The following KCNH7 variants were observed in gnomAD, a reference collection of about 807,000 sequenced individuals.
The protein encoded by KCNH7 is potassium voltage-gated channel subfamily H member 7.
A neutral mutation model predicts 120.8 loss-of-function variants in KCNH7; 49 were observed. The ratio of observed to expected loss-of-function variants is 0.41; its 90% CI spans 0.32 to 0.51. The LOEUF (loss-of-function observed/expected upper bound fraction) is 0.51, where lower values mean the gene tolerates loss of function less well. Among genes scored for constraint, KCNH7 ranks in the 20% least tolerant of loss-of-function variants. The probability of loss-of-function intolerance (pLI) is 0.38; values close to 1 mark genes in which losing one functional copy is unlikely to be tolerated. For missense variants in KCNH7, 1,097 were observed against 1,446.6 expected, an observed-to-expected ratio of 0.76 and a Z score of 3.92; for synonymous variants, 547 against 516.1, an observed-to-expected ratio of 1.06 and a Z score of -0.81.
At chr2:162,496,959 T>C (rs67982913) in intron 6 of KCNH7, 20,445 of 152,136 alleles carry the variant, frequency 0.13, 1,459 homozygotes, top group Admixed American at 0.15. Flanking sequence ...CCACCCTGAG[T>C]ACATGTGATC....
chr2:162,717,436 G>A (rs1687164980), intron 2 of KCNH7, among the ~76,000 whole-genome samples: 1 of 152,060 alleles, frequency 6.6e-6, no homozygotes, highest in African/African-American at 2.4e-5. Flanking sequence ...TCCATGCTAA[G>A]GAAAGGTCCA....
chr2:162,549,467 G>A (rs1692594339), intron 2 of KCNH7, among the ~76,000 whole-genome samples: 1 of 152,212 alleles, frequency 6.6e-6, no homozygotes, highest in Non-Finnish European at 1.5e-5. Context: ...TCTTAGGTAA[G>A]CTAAGTCCAC....
chr2:162,558,118 A>G (rs1692923428), intron 2 of KCNH7, among the ~76,000 whole-genome samples: 1 of 152,186 alleles, frequency 6.6e-6, no homozygotes, highest in South Asian at 2.1e-4. Context: ...TGTGACATCC[A>G]TACAGTCAGA....
At chr2:162,793,482 C>T (rs562910865) in intron 2 of KCNH7, among the ~76,000 whole-genome samples, 96 of 151,928 alleles carry the variant, frequency 6.3e-4, no homozygotes, top group Non-Finnish European at 1.2e-3. Context: ...GAAATCAATT[C>T]ATTTTATAAT....
At chr2:162,589,753 A>T (rs1389693858) in intron 2 of KCNH7, among the ~76,000 whole-genome samples, 1 of 152,150 alleles carries the variant, frequency 6.6e-6, no homozygotes, top group African/African-American at 2.4e-5. Flanking sequence ...TGAATTTAAC[A>T]TAAGAAGACA....
chr2:162,400,137 G>GA, intron 10 of KCNH7, 52 bp downstream of exon 10: 1 of 1,576,870 alleles, frequency 6.3e-7, no homozygotes, highest in Non-Finnish European at 8.7e-7. Flanking sequence ...TTTAAACTAT[G>GA]CATTACAAGC....
At chr2:162,776,883 G>C (rs1574374876) in intron 2 of KCNH7, among the ~76,000 whole-genome samples, 1 of 152,168 alleles carries the variant, frequency 6.6e-6, no homozygotes, top group East Asian at 1.9e-4. Flanking sequence ...CTTGGGTAGA[G>C]ATTGGTCATG....
At chr2:162,409,363 A>C (rs1407451522) in intron 9 of KCNH7, among the ~76,000 whole-genome samples, 1 of 151,972 alleles carries the variant, frequency 6.6e-6, no homozygotes, top group East Asian at 1.9e-4. Context: ...AAATTATTAT[A>C]TTGACTAAAG....
At chr2:162,613,736 T>C (rs1683048540) in intron 2 of KCNH7, among the ~76,000 whole-genome samples, 1 of 151,850 alleles carries the variant, frequency 6.6e-6, no homozygotes, top group Admixed American at 6.6e-5. Flanking sequence ...TCATGGATGG[T>C]ATAAAACAAT....
chr2:162,687,597 T>A (rs1283073899), intron 2 of KCNH7, among the ~76,000 whole-genome samples: 1 of 152,084 alleles, frequency 6.6e-6, no homozygotes, highest in Non-Finnish European at 1.5e-5. Flanking sequence ...TGAGATCAGC[T>A]ATGTTGGAAA....
intron 2 of KCNH7, among the ~76,000 whole-genome samples, chr2:162,744,198 A>G (rs550078412): frequency 1.3e-5 from 2 of 152,288 alleles, no homozygotes; most frequent in Admixed American, 6.5e-5. Flanking sequence ...TATGTCTCAA[A>G]TCACAGAGGA....
At chr2:162,677,316 T>C (rs113823899) in intron 2 of KCNH7, among the ~76,000 whole-genome samples, 6 of 151,650 alleles carry the variant, frequency 4.0e-5, no homozygotes, top group South Asian at 2.1e-4. Flanking sequence ...CCAATTGTCA[T>C]ACATAACCTA....
chr2:162,746,029 C>T (rs1454123754), intron 2 of KCNH7, among the ~76,000 whole-genome samples: 1 of 151,792 alleles, frequency 6.6e-6, no homozygotes, highest in Non-Finnish European at 1.5e-5. Flanking sequence ...CAAAATGAAA[C>T]TAATAAACTT....
rs75827766 is a variant in KCNH7, at chr2:162,615,300, T to C, written c.308-78220A>G. ...CACATTGTAAACCAAGAGTAACTAC[T>C]GTATGTTTTTCATTTGCTTATTTAG... On this transcript the variant is annotated intron_variant, in intron 2 of 15. Coordinates refer to ENST00000332142, the MANE Select transcript of KCNH7 (RefSeq NM_033272.4). Among the ~76,000 whole-genome samples the C allele has an allele frequency of 2.0e-5, 3 of 152,218 alleles. No homozygotes were observed. The East Asian group carries it at 5.8e-4, about 29-fold the overall frequency.
rs200638624 is a variant in KCNH7, at chr2:162,766,864, TACACACACACACACACAC to T, written c.307+69655_307+69672del. ...CCTTCCAAAGATGTTCTAAGCACAT[TACACACACACACACACAC>T]ACACACACACACACACACACACATA... On this transcript the variant is annotated intron_variant, in intron 2 of 15. Coordinates refer to ENST00000332142, the MANE Select transcript of KCNH7 (RefSeq NM_033272.4). Among the ~76,000 whole-genome samples, 832 of 141,610 alleles carry T rather than the reference TACACACACACACACACAC, an allele frequency of 5.9e-3. 9 individuals are homozygous for T. The highest frequency in any genetic ancestry group is 0.02 in the African/African-American group (786 of 39,400). 92.9% of individuals were successfully genotyped at this position (141,610 alleles called of 152,430 possible).
chr2:162,699,141 C>A (rs1475088296), intron 2 of KCNH7, among the ~76,000 whole-genome samples: 2 of 151,992 alleles, frequency 1.3e-5, no homozygotes, highest in Non-Finnish European at 2.9e-5. Context: ...TTATGAACTC[C>A]AGTCACCATG....
chr2:162,592,190 G>T (rs1301516826), intron 2 of KCNH7, among the ~76,000 whole-genome samples: 1 of 152,028 alleles, frequency 6.6e-6, no homozygotes, highest in African/African-American at 2.4e-5. Flanking sequence ...TCAGAGTTGT[G>T]CTGAGTTTCC....
intron 6 of KCNH7, among the ~76,000 whole-genome samples, chr2:162,473,337 G>C (rs532719623): frequency 3.9e-5 from 6 of 152,226 alleles, no homozygotes; most frequent in African/African-American, 1.4e-4. Flanking sequence ...TTATTACAAA[G>C]TTGTAAATTT....
At chr2:162,543,998 T>C (rs528664312) in intron 2 of KCNH7, among the ~76,000 whole-genome samples, 3 of 152,292 alleles carry the variant, frequency 2.0e-5, no homozygotes, top group South Asian at 4.1e-4. Flanking sequence ...GATGAACTCA[T>C]CAGATTAATT....
Sources: allele counts gnomAD v4.1 joint callset (sites outside exome capture counted in the v4.1 genomes callset), GRCh38; gene constraint gnomAD v4.1.1; transcripts MANE v1.5; gene names NCBI Gene and HGNC (gene_info 2026-07-23, HGNC 2026-07-21).